The following MGAT5 variants were observed in gnomAD, a reference collection of about 807,000 sequenced individuals.
The protein encoded by MGAT5 is alpha-1,6-mannosylglycoprotein 6-beta-N-acetylglucosaminyltransferase, also known as alpha-1,6-mannosylglycoprotein 6-beta-N-acetylglucosaminyltransferase A.
A neutral mutation model predicts 94.3 loss-of-function variants in MGAT5; 30 were observed. The ratio of observed to expected loss-of-function variants is 0.32; its 90% CI spans 0.24 to 0.43. The LOEUF is 0.43. Ranked by LOEUF, MGAT5 falls within the 20% of genes least tolerant of loss-of-function variation. The pLI is 1.00. For synonymous variants in MGAT5, 310 were observed against 322.9 expected, an observed-to-expected ratio of 0.96 and a Z score of 0.43; for missense variants, 691 against 905.5, an observed-to-expected ratio of 0.76 and a Z score of 3.04.
At chr2:134,159,313 C>A (rs962463908) in intron 1 of MGAT5, among the ~76,000 whole-genome samples, 8 of 149,636 alleles carry the variant, frequency 5.3e-5, no homozygotes, top group Non-Finnish European at 1.0e-4. Context: ...CTTTTTTTTT[C>A]TTCCCTTCTC....
chr2:134,138,487 T>A (rs965282038), intron 1 of MGAT5, among the ~76,000 whole-genome samples: 14 of 152,214 alleles, frequency 9.2e-5, no homozygotes, highest in African/African-American at 3.4e-4. Flanking sequence ...TAGATCCCAT[T>A]ACCATTTTAT....
chr2:134,178,255 T>A (rs1010897235), intron 1 of MGAT5, among the ~76,000 whole-genome samples: 1 of 152,166 alleles, frequency 6.6e-6, no homozygotes, highest in African/African-American at 2.4e-5. Context: ...GACTAGGCAT[T>A]TCTAACAGAT....
chr2:134,282,563 G>T (rs1179857663), intron 2 of MGAT5, among the ~76,000 whole-genome samples: 2 of 152,228 alleles, frequency 1.3e-5, no homozygotes, highest in Non-Finnish European at 2.9e-5. Context: ...AGATCGATTT[G>T]TTTCTTTACT....
intron 1 of MGAT5, among the ~76,000 whole-genome samples, chr2:134,127,502 C>A (rs11900650): frequency 0.21 from 26,654 of 125,658 alleles, 3,707 homozygotes; most frequent in African/African-American, 0.41. Context: ...GTTTCCCCCC[C>A]CCCCAGGCTT....
intron 1 of MGAT5, among the ~76,000 whole-genome samples, chr2:134,219,332 C>T: frequency 6.6e-6 from 1 of 151,880 alleles, no homozygotes; most frequent in South Asian, 2.1e-4. Flanking sequence ...TGGCAGGAGA[C>T]AAGGCTGGAA....
intron 1 of MGAT5, among the ~76,000 whole-genome samples, chr2:134,187,647 C>T (rs1025343126): frequency 6.6e-6 from 1 of 152,194 alleles, no homozygotes; most frequent in African/African-American, 2.4e-5. Flanking sequence ...GTCATGAGGG[C>T]AGGCAGGGAC....
At chr2:134,378,739 C>T (rs1297281645) in intron 10 of MGAT5, among the ~76,000 whole-genome samples, 1 of 151,844 alleles carries the variant, frequency 6.6e-6, no homozygotes, top group Non-Finnish European at 1.5e-5. Flanking sequence ...CCTCAGCCTC[C>T]CTAGTAGCTG....
At chr2:134,158,229 C>T (rs1687569384) in intron 1 of MGAT5, among the ~76,000 whole-genome samples, 1 of 152,182 alleles carries the variant, frequency 6.6e-6, no homozygotes, top group Admixed American at 6.5e-5. Flanking sequence ...GGGGACCTGC[C>T]CCTTTTTGCC....
chr2:134,277,008 G>A (rs1205073416), intron 2 of MGAT5, among the ~76,000 whole-genome samples: 1 of 152,172 alleles, frequency 6.6e-6, no homozygotes, highest in African/African-American at 2.4e-5. Context: ...GAGAGACAAG[G>A]TTCCATGAGG....
At chr2:134,322,079 C>T (rs1287185169) in intron 4 of MGAT5, among the ~76,000 whole-genome samples, 2 of 152,136 alleles carry the variant, frequency 1.3e-5, no homozygotes, top group Non-Finnish European at 2.9e-5. Context: ...GTCACTTAAC[C>T]TTTTGTGCCT....
At chr2:134,258,916 C>T (rs1364827434) in intron 1 of MGAT5, among the ~76,000 whole-genome samples, 1 of 152,172 alleles carries the variant, frequency 6.6e-6, no homozygotes, top group African/African-American at 2.4e-5. Flanking sequence ...GTGTCAGGTG[C>T]CTGACATTGT....
chr2:134,217,238 G>GTGTGTGTGTGTGTGTGTGT (rs1553495170), intron 1 of MGAT5, among the ~76,000 whole-genome samples: 2 of 145,114 alleles, frequency 1.4e-5, no homozygotes, highest in African/African-American at 5.2e-5. Context: ...GAGAGAGAGT[G>GTGTGTGTGTGTGTGTGTGT]GTGTGTGTGT....
chr2:134,209,279 G>A (rs1212903375), intron 1 of MGAT5, among the ~76,000 whole-genome samples: 1 of 46,458 alleles, frequency 2.2e-5, no homozygotes, highest in Non-Finnish European at 3.2e-5. Context: ...ATGCTGGTGC[G>A]CTGCACCCAC....
At chr2:134,314,067 G>T (rs1361335063) in intron 2 of MGAT5, among the ~76,000 whole-genome samples, 3 of 152,204 alleles carry the variant, frequency 2.0e-5, no homozygotes, top group Non-Finnish European at 4.4e-5. Context: ...CTGAAAAGGA[G>T]CTGAAAGTCC....
At chr2:134,387,333 T>TATA (rs1491455775) in intron 10 of MGAT5, among the ~76,000 whole-genome samples, 3 of 9,808 alleles carry the variant, frequency 3.1e-4, no homozygotes, top group African/African-American at 6.2e-4. Flanking sequence ...TATATATATA[T>TATA]TTTTTTTTTT....
At chr2:134,441,139 T>C (rs991128685) in intron 14 of MGAT5, among the ~76,000 whole-genome samples, 2 of 152,204 alleles carry the variant, frequency 1.3e-5, no homozygotes, top group Non-Finnish European at 2.9e-5. Context: ...TTACTGTGCT[T>C]GTTTTCAACC....
chr2:134,261,901 G>A (rs939172218), intron 1 of MGAT5, among the ~76,000 whole-genome samples: 2 of 152,206 alleles, frequency 1.3e-5, no homozygotes, highest in African/African-American at 2.4e-5. Flanking sequence ...TGTTTTTAGT[G>A]AAGCAGGAAA....
Position 134,134,782 on chromosome 2 carries a change from G to A in MGAT5, c.-143+14491G>A, listed in dbSNP as rs559689658. Among the ~76,000 whole-genome samples, 3 of 152,310 alleles carry A rather than the reference G, an allele frequency of 2.0e-5. No homozygotes were observed. The South Asian group carries it at 6.2e-4, about 32-fold the overall frequency. On this transcript the variant is annotated intron_variant, in intron 1 of 16. Transcript: ENST00000409645. ...ACCAGGGATGCTAAACATCTGTAAT[G>A]GGTAGCACAGTTGTGTATCACAAAA...
At position 134,448,697 on chromosome 2, in the gene MGAT5, G is replaced by T. The variant is rs1685933464; in HGVS notation, c.2076G>T (p.Val692=). ...CAGAGCTGGCCAAGGACATCCTGGTGCCCTCCTTTGACCCTAAGAATAAGC... is the reference window on the plus strand; with the variant it reads ...CAGAGCTGGCCAAGGACATCCTGGTTCCCTCCTTTGACCCTAAGAATAAGC... ...QSSELAKDIL[V]PSFDPKNKHC... is the part of the protein sequence containing the mutation. The change falls in exon 16 of 16, where the codon GTG becomes GTT. Residue 692 remains valine (V), a synonymous_variant. Coordinates refer to ENST00000281923, the MANE Select transcript of MGAT5 (RefSeq NM_002410.5). 1 of 1,614,112 alleles carries T rather than the reference G, an allele frequency of 6.2e-7. No homozygotes were observed. Among genetic ancestry groups the T allele is most frequent in the Non-Finnish European group, 8.5e-7 (1 of 1,180,050 alleles).
Sources: gnomAD v4.1 joint callset for allele counts (sites outside exome capture counted in the v4.1 genomes callset) on GRCh38, gnomAD v4.1.1 for gene constraint, MANE v1.5 for transcripts, NCBI Gene and HGNC (gene_info 2026-07-23, HGNC 2026-07-21) for gene names.